TSKS: variants seen among roughly 807,000 people sequenced by gnomAD.
TSKS encodes the protein testis-specific serine kinase substrate.
A neutral mutation model predicts 68.0 loss-of-function variants in TSKS; 27 were observed. The ratio of observed to expected loss-of-function variants is 0.40; its 90% CI spans 0.29 to 0.55. TSKS has a LOEUF of 0.55. Ranked by LOEUF, TSKS falls within the 20% of genes least tolerant of loss-of-function variation. TSKS has a pLI of 0.53. For missense variants in TSKS, 806 were observed against 776.0 expected (o/e 1.04, Z -0.46); for synonymous variants, 331 against 340.4 (o/e 0.97, Z 0.30).
chr19:49,758,050 GTCTCTGGGTCTCTGTCCTCCTCTC>G (rs1201243348), intron 2 of TSKS, among the ~76,000 whole-genome samples: 2 of 143,218 alleles, frequency 1.4e-5, no homozygotes, highest in African/African-American at 2.7e-5. Flanking sequence ...GCCCCCCTCT[GTCTCTGGGTCTCTGTCCTCCTCTC>G]TCTCTGGGTC....
At position 49,740,181 on chromosome 19, in the gene TSKS, C is replaced by T; in HGVS notation, c.1500G>A (p.Glu500=). 6 of 1,611,678 alleles carry T rather than the reference C, an allele frequency of 3.7e-6. No homozygotes were observed. The highest frequency in any genetic ancestry group is 1.7e-4 in the Middle Eastern group (1 of 6,048). The change falls in exon 10 of 11, where the codon GAG becomes GAA. Residue 500 remains glutamate, a splice_region_variant and synonymous_variant. Transcript: ENST00000246801. ...SCQRLHKKIL[E]LERQALAKHV... is the part of the protein sequence containing the mutation. ...GTTTGGCTAAGGCCTGGCGCTCCAG[C>T]TCCTGGGGAGAGGAGCGTAGGCGTA...
At chr19:49,760,943 C>T (rs952739534) in intron 2 of TSKS, among the ~76,000 whole-genome samples, 7 of 151,850 alleles carry the variant, frequency 4.6e-5, no homozygotes, top group Non-Finnish European at 8.8e-5. Flanking sequence ...ACAAAATTAG[C>T]TGGGTGTGGT....
chr19:49,743,329 T>G (rs1203016484), intron 8 of TSKS, among the ~76,000 whole-genome samples: 1 of 151,838 alleles, frequency 6.6e-6, no homozygotes, highest in Non-Finnish European at 1.5e-5. Context: ...CTGCCCGTCT[T>G]GGCCTCCCAA....
intron 7 of TSKS, 67 bp from the exon 8 acceptor site, chr19:49,744,471 C>G (rs1390692873): frequency 1.3e-6 from 2 of 1,519,154 alleles, no homozygotes; most frequent in African/African-American, 2.7e-5. Context: ...AAGACTCCAC[C>G]CATTATTAGC....
At position 49,761,927 on chromosome 19, in the gene TSKS, A is replaced by G. The variant is rs1356747431; in HGVS notation, c.399+77T>C. The G allele has an allele frequency of 8.1e-6, 10 of 1,242,018 alleles. No homozygotes were observed. The Admixed American group carries it at 1.9e-4, about 23-fold the overall frequency. 76.9% of individuals were successfully genotyped at this position (1,242,018 alleles called of 1,614,324 possible). A position where few individuals can be genotyped will look rare whatever the true frequency, so the allele number is the denominator to read the frequency against. On this transcript the variant is annotated intron_variant, in intron 2 of 10. Transcript: ENST00000246801. ...TCTAACTCCAAGTCAAAAACACCCC[A>G]CCCCCGTCCTAAGTATTTGCTACCA... is the stretch of plus-strand genomic sequence containing the variant.
intron 2 of TSKS, among the ~76,000 whole-genome samples, chr19:49,760,318 A>T (rs912091988): frequency 6.6e-6 from 1 of 151,788 alleles, no homozygotes; most frequent in Admixed American, 6.6e-5. Context: ...AAAAATTATT[A>T]TTATTGTTAT....
intron 2 of TSKS, among the ~76,000 whole-genome samples, chr19:49,754,264 C>CAA: frequency 6.6e-6 from 1 of 150,824 alleles, no homozygotes; most frequent in Non-Finnish European, 1.5e-5. Context: ...TTTGGGAGGC[C>CAA]AAGGCAGGTG....
intron 2 of TSKS, among the ~76,000 whole-genome samples, chr19:49,755,265 G>A (rs892849315): frequency 1.3e-5 from 2 of 152,198 alleles, no homozygotes; most frequent in African/African-American, 2.4e-5. Context: ...TACAGCCTCA[G>A]AGACCTATGG....
rs7256869 is a variant in TSKS at position 49,756,971 on chromosome 19, A to G, written c.399+5033T>C. Among the ~76,000 whole-genome samples, 956 of 152,322 alleles carry G rather than the reference A, an allele frequency of 6.3e-3. 9 individuals carry two copies. Among genetic ancestry groups the G allele is most frequent in the African/African-American group, 0.022 (904 of 41,564 alleles). The stretch of plus-strand genomic sequence containing the variant: ...GCTACTCAGGAGGCTAAGGCAAGAC[A>G]ATTGCTTGAACCTGAGAGGCACAGG... On this transcript the variant is annotated intron_variant, in intron 2 of 10. Coordinates refer to ENST00000246801, the MANE Select transcript of TSKS (RefSeq NM_021733.2).
At chr19:49,750,075 C>T (rs1044983121) in intron 2 of TSKS, among the ~76,000 whole-genome samples, 1 of 151,924 alleles carries the variant, frequency 6.6e-6, no homozygotes, top group Non-Finnish European at 1.5e-5. Context: ...TGTCTTGGAC[C>T]AGCAGATAGA....
At chr19:49,744,162 C>CCATCTCCTTCCG (rs1434262044) in intron 8 of TSKS, 69 bp downstream of exon 8, 2 of 1,519,642 alleles carry the variant, frequency 1.3e-6, no homozygotes, top group Admixed American at 1.8e-5. Flanking sequence ...CACTAATGTC[C>CCATCTCCTTCCG]CATCTCCTTC....
At chr19:49,759,199 G>A (rs1038724923) in intron 2 of TSKS, among the ~76,000 whole-genome samples, 6 of 151,308 alleles carry the variant, frequency 4.0e-5, no homozygotes, top group Non-Finnish European at 5.9e-5. Flanking sequence ...AGCCGGGAGC[G>A]GTGGCTCATG....
chr19:49,739,767 AG>A lies in TSKS; in HGVS notation c.*8del. On this transcript the variant is annotated 3_prime_UTR_variant, in exon 11 of 11. Transcript: ENST00000246801. ...AGCAGACAGAATTCATGCTAGCATG[AG>A]AGGCCATTTATTGTTCAGGGGCTGA... 1 of 1,227,398 alleles carries A rather than the reference AG, an allele frequency of 8.1e-7. No homozygotes were observed. The highest frequency in any genetic ancestry group is 1.2e-6 in the Non-Finnish European group (1 of 841,076). The allele number at this position is 1,227,398 out of a possible 1,614,324, so 76.0% of individuals were successfully genotyped here.
At chr19:49,760,621 G>C (rs566538834) in intron 2 of TSKS, among the ~76,000 whole-genome samples, 1 of 151,760 alleles carries the variant, frequency 6.6e-6, no homozygotes, top group Non-Finnish European at 1.5e-5. Flanking sequence ...AGGTCACTGC[G>C]CCTGGCCTAC....
At chr19:49,755,677 A>G (rs994012210) in intron 2 of TSKS, among the ~76,000 whole-genome samples, 1 of 152,180 alleles carries the variant, frequency 6.6e-6, no homozygotes, top group Non-Finnish European at 1.5e-5. Flanking sequence ...AAAAATAAAA[A>G]TGAAAATAAA....
chr19:49,744,487 A>G (rs1276711921), intron 7 of TSKS, 83 bp from the exon 8 acceptor site: 2 of 1,436,708 alleles, frequency 1.4e-6, no homozygotes, highest in Non-Finnish European at 1.9e-6. Flanking sequence ...TTAGCCCACC[A>G]CTTGCGTCTC....
intron 2 of TSKS, among the ~76,000 whole-genome samples, chr19:49,756,320 A>T (rs915521559): frequency 4.6e-5 from 7 of 152,046 alleles, no homozygotes; most frequent in African/African-American, 1.7e-4. Flanking sequence ...TTATCTGGGT[A>T]CAGTGGCATG....
Position 49,745,190 on chromosome 19 carries a change from C to T in TSKS, c.1187+12G>A, listed in dbSNP as rs372454756. 11 of 1,570,120 alleles carry T rather than the reference C, an allele frequency of 7.0e-6. No individual in the cohort carries two copies. Among genetic ancestry groups the T allele is most frequent in the Non-Finnish European group, 9.5e-6 (11 of 1,153,374 alleles). On this transcript the variant is annotated intron_variant, in intron 7 of 10. Coordinates refer to ENST00000246801, the MANE Select transcript of TSKS (RefSeq NM_021733.2). ...CCTTCCGGTCTTCCCATGCACTGGC[C>T]CCAATCCTCACATGGTGCACAGCTC...
intron 2 of TSKS, among the ~76,000 whole-genome samples, chr19:49,760,104 T>A (rs2084428151): frequency 6.6e-6 from 1 of 151,866 alleles, no homozygotes; most frequent in African/African-American, 2.4e-5. Context: ...TGAGCCAAGA[T>A]CGCACCACTG....
Sources: gnomAD v4.1 joint callset for allele counts (sites outside exome capture counted in the v4.1 genomes callset) on GRCh38, gnomAD v4.1.1 for gene constraint, MANE v1.5 for transcripts, NCBI Gene and HGNC (gene_info 2026-07-23, HGNC 2026-07-21) for gene names.